Variants in BMAL1 observed in about 807,000 individuals in gnomAD.
The protein encoded by BMAL1 is basic helix-loop-helix ARNT like 1, also known as basic helix-loop-helix ARNT-like protein 1.
chr11:13,363,408 T>C, the BMAL1 span, among the ~76,000 whole-genome samples: 1 of 151,964 alleles, frequency 6.6e-6, no homozygotes, highest in Non-Finnish European at 1.5e-5. Flanking sequence ...AAGAGTGATC[T>C]CTCTTGCCCG....
the BMAL1 span, among the ~76,000 whole-genome samples, chr11:13,306,539 T>A: frequency 2.4e-4 from 37 of 152,326 alleles, no homozygotes; most frequent in African/African-American, 8.7e-4. Context: ...CTGGACTTAC[T>A]GTGCTTCCCC....
At chr11:13,303,869 T>G in the BMAL1 span, among the ~76,000 whole-genome samples, 2 of 152,082 alleles carry the variant, frequency 1.3e-5, no homozygotes, top group Non-Finnish European at 2.9e-5. Flanking sequence ...AAAAAGGAAG[T>G]GGGTTCTGGT....
At chr11:13,347,682 A>C in the BMAL1 span, among the ~76,000 whole-genome samples, 2 of 85,104 alleles carry the variant, frequency 2.4e-5, no homozygotes, top group South Asian at 3.7e-4. Flanking sequence ...CCTCCTCTCT[A>C]CAAAAAATAT....
chr11:13,336,979 T>A, the BMAL1 span, among the ~76,000 whole-genome samples: 1 of 152,230 alleles, frequency 6.6e-6, no homozygotes, highest in Non-Finnish European at 1.5e-5. Context: ...TCTGAATACT[T>A]ACTACTAAGT....
chr11:13,353,809 G>A, the BMAL1 span, among the ~76,000 whole-genome samples: 1 of 152,214 alleles, frequency 6.6e-6, no homozygotes, highest in Non-Finnish European at 1.5e-5. Flanking sequence ...CTGGGTGACA[G>A]AGTGAGACTT....
chr11:13,292,464 G>A, the BMAL1 span, among the ~76,000 whole-genome samples: 9 of 151,588 alleles, frequency 5.9e-5, no homozygotes, highest in South Asian at 4.2e-4. Flanking sequence ...GGAGAATGGC[G>A]TGAACCTGGG....
At chr11:13,279,687 C>T in the BMAL1 span, among the ~76,000 whole-genome samples, 1 of 152,170 alleles carries the variant, frequency 6.6e-6, no homozygotes, top group African/African-American at 2.4e-5. Flanking sequence ...TTACTCAGAT[C>T]ATTTTACTGA....
the BMAL1 span, among the ~76,000 whole-genome samples, chr11:13,360,627 C>T: frequency 6.6e-6 from 1 of 152,030 alleles, no homozygotes; most frequent in South Asian, 2.1e-4. Flanking sequence ...TTAACCTCGT[C>T]TAGACAAAAA....
chr11:13,351,787 A>C, the BMAL1 span, among the ~76,000 whole-genome samples: 2 of 152,208 alleles, frequency 1.3e-5, no homozygotes, highest in Non-Finnish European at 2.9e-5. Context: ...TGGCCATTGG[A>C]TCTAGCAGTG....
chr11:13,303,361 A>C, the BMAL1 span, among the ~76,000 whole-genome samples: 4 of 152,240 alleles, frequency 2.6e-5, no homozygotes, highest in East Asian at 7.7e-4. Flanking sequence ...GGGGAGGTAG[A>C]GATCATATAA....
At chr11:13,289,026 T>A in the BMAL1 span, among the ~76,000 whole-genome samples, 1,640 of 152,356 alleles carry the variant, frequency 0.011, 33 homozygotes, top group African/African-American at 0.037. Context: ...TTTAGGCTGC[T>A]TCTGCTGCTT....
At chr11:13,327,494 T>C in the BMAL1 span, among the ~76,000 whole-genome samples, 1 of 152,172 alleles carries the variant, frequency 6.6e-6, no homozygotes, top group Non-Finnish European at 1.5e-5. Flanking sequence ...CTAAGTTTGC[T>C]TCCTTGCGCT....
At chr11:13,345,835 T>G in the BMAL1 span, among the ~76,000 whole-genome samples, 2 of 152,258 alleles carry the variant, frequency 1.3e-5, no homozygotes, top group African/African-American at 4.8e-5. Flanking sequence ...GGATCAGGCT[T>G]GATCTGTGGC....
At chr11:13,374,288 C>A in the BMAL1 span, 2 of 1,259,832 alleles carry the variant, frequency 1.6e-6, no homozygotes, top group South Asian at 1.3e-5. Flanking sequence ...GAAATCTGTC[C>A]ACTGAGGATG....
At chr11:13,278,537 A>G in the BMAL1 span, among the ~76,000 whole-genome samples, 126 of 152,088 alleles carry the variant, frequency 8.3e-4, no homozygotes, top group South Asian at 1.7e-3. Context: ...GGGGAGTCCA[A>G]GTCCGCCCGC....
At chr11:13,327,648 G>C in the BMAL1 span, among the ~76,000 whole-genome samples, 1 of 152,162 alleles carries the variant, frequency 6.6e-6, no homozygotes, top group Non-Finnish European at 1.5e-5. Context: ...TAAGAGCTTG[G>C]ACAATTTTTT....
the BMAL1 span, chr11:13,354,600 T>TAAG: frequency 2.0e-6 from 2 of 1,010,466 alleles, no homozygotes; most frequent in African/African-American, 3.3e-5. Flanking sequence ...TTTTTGGCTT[T>TAAG]ACCTTCCCCT....
chr11:13,343,232 CA>C, the BMAL1 span, among the ~76,000 whole-genome samples: 1 of 152,176 alleles, frequency 6.6e-6, no homozygotes, highest in Non-Finnish European at 1.5e-5. Context: ...CATCTCCCAT[CA>C]GAGAACATGC....
chr11:13,326,939 C>T, the BMAL1 span, among the ~76,000 whole-genome samples: 20 of 152,086 alleles, frequency 1.3e-4, no homozygotes, highest in South Asian at 3.9e-3. Flanking sequence ...CCTGCCTCAG[C>T]CTCCCGAGTA....
Sources: gnomAD v4.1 joint callset for allele counts (sites outside exome capture counted in the v4.1 genomes callset) on GRCh38, gnomAD v4.1.1 for gene constraint, MANE v1.5 for transcripts, NCBI Gene and HGNC (gene_info 2026-07-23, HGNC 2026-07-21) for gene names.